The following GALNT14 variants were observed in gnomAD, a reference collection of about 807,000 sequenced individuals.
GALNT14 encodes polypeptide N-acetylgalactosaminyltransferase 14.
GALNT14 carries 60 observed loss-of-function variants against 77.5 expected under a neutral mutation model. The ratio of observed to expected loss-of-function variants is 0.77; its 90% confidence interval spans 0.63 to 0.96. The LOEUF (loss-of-function observed/expected upper bound fraction) is 0.96, where lower values mean the gene tolerates loss of function less well. GALNT14 is among the 40% of genes least tolerant of loss of function. The pLI, the probability that GALNT14 is intolerant of heterozygous loss-of-function variation, is 0.00. For synonymous variants in GALNT14, 280 were observed against 281.7 expected (o/e 0.99, Z 0.06); for missense variants, 710 against 731.0 (o/e 0.97, Z 0.33).
chr2:31,136,662 T>G (rs1679240284), intron 1 of GALNT14, among the ~76,000 whole-genome samples: 1 of 152,194 alleles, frequency 6.6e-6, no homozygotes, highest in Non-Finnish European at 1.5e-5. Flanking sequence ...AGAACATAAG[T>G]GCTAGAAGAC....
chr2:30,973,747 C>T (rs776204408), intron 2 of GALNT14, among the ~76,000 whole-genome samples: 6 of 152,216 alleles, frequency 3.9e-5, no homozygotes, highest in Admixed American at 6.5e-5. Context: ...TGGGATTTCA[C>T]ATGCAGATTA....
chr2:30,907,158 G>T (rs576983266), downstream of GALNT14, among the ~76,000 whole-genome samples: 274 of 152,210 alleles, frequency 1.8e-3, no homozygotes, highest in African/African-American at 6.4e-3. Context: ...AACTAGAAAA[G>T]CAAGAACAAA....
At chr2:31,084,045 T>C (rs1277409097) in intron 1 of GALNT14, among the ~76,000 whole-genome samples, 1 of 152,204 alleles carries the variant, frequency 6.6e-6, no homozygotes, top group African/African-American at 2.4e-5. Context: ...GAAAGAGCGC[T>C]GGATTCAAAG....
At chr2:30,994,222 G>A (rs999186504) in intron 1 of GALNT14, among the ~76,000 whole-genome samples, 2 of 152,158 alleles carry the variant, frequency 1.3e-5, no homozygotes, top group African/African-American at 4.8e-5. Context: ...TGAACCCAGT[G>A]GCCGTGCAAG....
At chr2:31,052,033 G>A (rs1673903557) in intron 1 of GALNT14, among the ~76,000 whole-genome samples, 1 of 152,108 alleles carries the variant, frequency 6.6e-6, no homozygotes, top group South Asian at 2.1e-4. Context: ...TGTGCCACCT[G>A]CCAAGGAGAT....
intron 1 of GALNT14, among the ~76,000 whole-genome samples, chr2:31,038,815 G>A (rs945456687): frequency 2.7e-5 from 4 of 150,784 alleles, no homozygotes; most frequent in Non-Finnish European, 5.9e-5. Context: ...GGGCAATCTC[G>A]GCTCACAGCA....
chr2:30,970,791 A>G (rs1240856844), intron 2 of GALNT14, among the ~76,000 whole-genome samples: 1 of 152,152 alleles, frequency 6.6e-6, no homozygotes, highest in African/African-American at 2.4e-5. Context: ...CCCACCTCAC[A>G]GGCTCAAAAA....
At chr2:30,985,139 C>A (rs1669216655) in intron 2 of GALNT14, among the ~76,000 whole-genome samples, 1 of 126,494 alleles carries the variant, frequency 7.9e-6, no homozygotes, top group South Asian at 3.0e-4. Flanking sequence ...AAGGAATGAG[C>A]AAATGAGTGA....
At chr2:31,058,205 A>C (rs1195060805) in intron 1 of GALNT14, among the ~76,000 whole-genome samples, 1 of 152,208 alleles carries the variant, frequency 6.6e-6, no homozygotes, top group Non-Finnish European at 1.5e-5. Flanking sequence ...CCACTGGCAC[A>C]ACTCTTCACT....
the GALNT14 span, among the ~76,000 whole-genome samples, chr2:30,904,870 G>C: frequency 3.3e-5 from 5 of 151,970 alleles, no homozygotes; most frequent in Non-Finnish European, 5.9e-5. Flanking sequence ...ATCTGAGAAC[G>C]GGCAGACTGC....
intron 6 of GALNT14, among the ~76,000 whole-genome samples, chr2:30,948,589 C>A (rs562421040): frequency 1.3e-5 from 2 of 152,336 alleles, no homozygotes; most frequent in Admixed American, 6.5e-5. Context: ...GATGTTGCCT[C>A]ACAACCTTGC....
chr2:30,937,816 G>T (rs796540850), intron 9 of GALNT14, among the ~76,000 whole-genome samples: 27 of 152,302 alleles, frequency 1.8e-4, no homozygotes, highest in African/African-American at 6.5e-4. Flanking sequence ...AGGGATTAGG[G>T]TGTGGACATC....
chr2:31,098,583 C>G (rs1360908617), intron 1 of GALNT14, among the ~76,000 whole-genome samples: 2 of 152,112 alleles, frequency 1.3e-5, no homozygotes, highest in African/African-American at 4.8e-5. Flanking sequence ...TATTATCTTT[C>G]CAGAATTTCT....
chr2:30,908,841 G>A (rs1346473149), downstream of GALNT14, among the ~76,000 whole-genome samples: 4 of 149,020 alleles, frequency 2.7e-5, no homozygotes, highest in African/African-American at 7.6e-5. Context: ...AAACAGCACG[G>A]TACTGGTACC....
intron 1 of GALNT14, among the ~76,000 whole-genome samples, chr2:31,022,313 C>A (rs987745300): frequency 1.3e-5 from 2 of 152,242 alleles, no homozygotes; most frequent in African/African-American, 4.8e-5. Context: ...GGCGTGTACC[C>A]CTCAGGGGGT....
At chr2:31,079,160 T>C in intron 1 of GALNT14, 2 of 791,060 alleles carry the variant, frequency 2.5e-6, no homozygotes, top group Non-Finnish European at 3.4e-6. Context: ...CCAGTGCTAT[T>C]GCCCAGGCTC....
At chr2:31,073,739 G>T (rs1026461127) in intron 1 of GALNT14, among the ~76,000 whole-genome samples, 27 of 152,176 alleles carry the variant, frequency 1.8e-4, no homozygotes, top group African/African-American at 6.0e-4. Flanking sequence ...ACATTTTATT[G>T]TAAGTGTGGC....
chr2:31,059,226 C>G (rs1186487877), intron 1 of GALNT14, among the ~76,000 whole-genome samples: 2 of 152,236 alleles, frequency 1.3e-5, no homozygotes, highest in Non-Finnish European at 2.9e-5. Context: ...TGGCTCTACC[C>G]TCCTTGCCCA....
the GALNT14 span, among the ~76,000 whole-genome samples, chr2:30,892,040 T>C: frequency 6.6e-6 from 1 of 152,156 alleles, no homozygotes; most frequent in Non-Finnish European, 1.5e-5. Context: ...ATCCCACCAA[T>C]GAAAAGGCCA....
Sources: allele counts gnomAD v4.1 joint callset (sites outside exome capture counted in the v4.1 genomes callset), GRCh38; gene constraint gnomAD v4.1.1; transcripts MANE v1.5; gene names NCBI Gene and HGNC (gene_info 2026-07-23, HGNC 2026-07-21).